The following NOD2 variants were observed in gnomAD, a reference collection of about 807,000 sequenced individuals.
The protein encoded by NOD2 is nucleotide-binding oligomerization domain-containing protein 2.
A neutral mutation model predicts 90.9 loss-of-function variants in NOD2; 86 were observed. The ratio of observed to expected loss-of-function variants is 0.95; its 90% CI spans 0.79 to 1.13. The LOEUF is 1.13. Among genes scored for constraint, NOD2 ranks in the 50% most tolerant of loss-of-function variants. The pLI is 0.00. For missense variants in NOD2, 1,238 were observed against 1,283.8 expected (o/e 0.96, Z 0.55); for synonymous variants, 581 against 554.6 (o/e 1.05, Z -0.67).
At chr16:50,704,829 T>C (rs1964112270) in intron 2 of NOD2, among the ~76,000 whole-genome samples, 1 of 152,212 alleles carries the variant, frequency 6.6e-6, no homozygotes. Flanking sequence ...CCAAAACCAT[T>C]TTAAAACTCT....
At chr16:50,700,698 C>T (rs1963902464) in intron 2 of NOD2, among the ~76,000 whole-genome samples, 1 of 152,200 alleles carries the variant, frequency 6.6e-6, no homozygotes, top group South Asian at 2.1e-4. Flanking sequence ...TTTATTATTT[C>T]TGTTATGAGT....
intron 1 of NOD2, among the ~76,000 whole-genome samples, chr16:50,694,694 C>G (rs2150772158): frequency 1.3e-5 from 2 of 152,316 alleles, no homozygotes; most frequent in African/African-American, 4.8e-5. Flanking sequence ...CCATGTCTGT[C>G]TCCCGGAGCC....
chr16:50,710,993 A>G lies in NOD2; in HGVS notation c.1001A>G (p.Glu334Gly). 6.2e-7 allele frequency: 1 copy of G among 1,614,148 alleles called. No homozygotes were observed. Among genetic ancestry groups the G allele is most frequent in the Non-Finnish European group, 8.5e-7 (1 of 1,180,034 alleles). Residue 334 changes from glutamate (E) to glycine (G), a missense_variant, in exon 4 of 12, where the codon GAA (glutamate) becomes GGA (glycine). By Grantham distance (98) the Glu-to-Gly change is moderately conservative (BLOSUM62 -2). Coordinates refer to ENST00000647318, the MANE Select transcript of NOD2 (RefSeq NM_001370466.1). ...EHCCWPDVGQ[E>G]DIFQLLLDHP... ...TGCTGTTGGCCTGATGTTGGTCAAGAAGACATCTTCCAGTTACTCCTTGAC... is the reference window on the plus strand; with the variant it reads ...TGCTGTTGGCCTGATGTTGGTCAAGGAGACATCTTCCAGTTACTCCTTGAC...
In NOD2 at chr16:50,731,882, G is replaced by A; in HGVS notation, c.*63G>A. 3.9e-6 allele frequency: 5 copies of A among 1,282,284 alleles called. No homozygotes were observed. Among genetic ancestry groups the A allele is most frequent in the Non-Finnish European group, 5.7e-6 (5 of 880,474 alleles). The allele number at this position is 1,282,284 out of a possible 1,614,324, so 79.4% of individuals were successfully genotyped here. A position where few individuals can be genotyped will look rare whatever the true frequency, so the allele number is the denominator to read the frequency against. The stretch of plus-strand genomic sequence containing the variant: ...GCAGGCTGTGAGTTTGGGCCCCAGA[G>A]GCTGGGTGACATGTGTTGGCAGCCT... On this transcript the variant is annotated 3_prime_UTR_variant, in exon 12 of 12. Coordinates refer to ENST00000647318, the MANE Select transcript of NOD2 (RefSeq NM_001370466.1).
At chr16:50,701,878 TA>T (rs142961158) in intron 2 of NOD2, among the ~76,000 whole-genome samples, 2,683 of 152,268 alleles carry the variant, frequency 0.018, 67 homozygotes, top group African/African-American at 0.058. Flanking sequence ...AAGCAGGACA[TA>T]GGGGGAAATT....
intron 5 of NOD2, 96 bp downstream of exon 5, chr16:50,716,766 G>C (rs1167662829): frequency 9.4e-6 from 14 of 1,484,196 alleles, no homozygotes; most frequent in Non-Finnish European, 1.2e-5. Flanking sequence ...GGCTGGGGCA[G>C]GGGCTGTTTG....
At chr16:50,701,857 G>A (rs555267829) in intron 2 of NOD2, among the ~76,000 whole-genome samples, 62 of 152,248 alleles carry the variant, frequency 4.1e-4, no homozygotes, top group African/African-American at 1.4e-3. Context: ...AAAATCTATT[G>A]GATGCAGCTA....
rs1455956071 is a variant in NOD2, at chr16:50,710,864, C to T, written c.872C>T (p.Ala291Val). The part of the protein sequence containing the change: ...LLQRLHLLWA[A>V]GQDFQEFLFV... ...CAGCGGCTGCACTTGCTGTGGGCTG[C>T]AGGGCAAGACTTCCAGGAATTTCTC... Residue 291 changes from alanine (A) to valine (V), a missense_variant, in exon 4 of 12, where the codon GCA (alanine) becomes GTA (valine). Around this residue, in one of 3 missense-constraint regions of NOD2, gnomAD observed 567 missense variants for 577.3 expected, o/e 0.98. Coordinates refer to ENST00000647318, the MANE Select transcript of NOD2 (RefSeq NM_001370466.1). 1.2e-6 allele frequency: 2 copies of T among 1,613,978 alleles called. No individual in the cohort carries two copies. Among genetic ancestry groups the T allele is most frequent in the Non-Finnish European group, 1.7e-6 (2 of 1,180,040 alleles).
Position 50,732,278 on chromosome 16 carries a change from T to C in NOD2, c.*459T>C. The C allele has an allele frequency of 4.4e-6, 1 of 229,272 alleles. No individual in the cohort carries two copies. Among genetic ancestry groups the C allele is most frequent in the South Asian group, 6.4e-5 (1 of 15,546 alleles). 14.2% of individuals were successfully genotyped at this position (229,272 alleles called of 1,614,324 possible). On this transcript the variant is annotated 3_prime_UTR_variant, in exon 12 of 12. Coordinates refer to ENST00000647318, the MANE Select transcript of NOD2 (RefSeq NM_001370466.1). ...AATTCAGGAAGCAGCTTTCCCCATG[T>C]CTCGACTCATCCATCCAGGCCATTC... is the stretch of plus-strand genomic sequence containing the variant.
chr16:50,718,417 A>T (rs1482504194), intron 6 of NOD2, among the ~76,000 whole-genome samples: 1 of 152,248 alleles, frequency 6.6e-6, no homozygotes, highest in Non-Finnish European at 1.5e-5. Context: ...ATGGAGCTGG[A>T]TGGCACGTGA....
intron 6 of NOD2, 188 bp from the exon 7 acceptor site, chr16:50,719,737 T>C (rs1369435405): frequency 1.4e-6 from 1 of 711,106 alleles, no homozygotes; most frequent in Non-Finnish European, 2.6e-6. Context: ...TTCCCTTTGC[T>C]GGGGGAAAAT....
intron 6 of NOD2, among the ~76,000 whole-genome samples, chr16:50,717,879 A>G (rs1432455197): frequency 1.3e-5 from 2 of 152,248 alleles, no homozygotes; most frequent in East Asian, 1.9e-4. Flanking sequence ...GTCCTCCGGT[A>G]TGTGCAGGAG....
In NOD2 at chr16:50,716,592, G is replaced by T. The variant is rs768930237; in HGVS notation, c.2387G>T (p.Arg796Leu). Reference protein sequence around the residue: ...CLGVCKALYLRDNNISDRGIC... With the variant: ...CLGVCKALYLLDNNISDRGIC... ...TATTTATTTTGTCTCTTTAGTTTGC[G>T]CGATAACAATATCTCAGACCGAGGC... The change falls in exon 5 of 12, where the codon CGC (arginine) becomes CTC (leucine). Residue 796 changes from arginine to leucine, a missense_variant. Coordinates refer to ENST00000647318, the MANE Select transcript of NOD2 (RefSeq NM_001370466.1). 3.7e-6 allele frequency: 6 copies of T among 1,613,852 alleles called. No individual in the cohort carries two copies. Among genetic ancestry groups the T allele is most frequent in the Non-Finnish European group, 5.1e-6 (6 of 1,179,842 alleles).
chr16:50,713,018 T>C (rs1232725391), intron 4 of NOD2: 1 of 157,206 alleles, frequency 6.4e-6, no homozygotes, highest in African/African-American at 2.4e-5. Flanking sequence ...CTACCCGTAT[T>C]GCTTAGAGCC....
intron 9 of NOD2, among the ~76,000 whole-genome samples, chr16:50,723,827 G>A (rs1382119101): frequency 1.3e-5 from 2 of 152,158 alleles, no homozygotes; most frequent in East Asian, 1.9e-4. Context: ...ATATTTGTAA[G>A]TGCTCCATAA....
chr16:50,730,161 G>A (rs562077403), intron 11 of NOD2, among the ~76,000 whole-genome samples: 1 of 152,338 alleles, frequency 6.6e-6, no homozygotes, highest in African/African-American at 2.4e-5. Flanking sequence ...AGATAGTGTA[G>A]GAATGGGGAT....
chr16:50,710,407 C>A, intron 3 of NOD2, 151 bp from the exon 4 acceptor site: 2 of 997,924 alleles, frequency 2.0e-6, no homozygotes, highest in Non-Finnish European at 1.6e-6. Context: ...CCTCAAAGTG[C>A]ACAGCTTGTG....
chr16:50,704,532 C>CTTTTTTTTTTTTT (rs71715899), intron 2 of NOD2, among the ~76,000 whole-genome samples: 1 of 145,574 alleles, frequency 6.9e-6, no homozygotes, highest in Non-Finnish European at 1.5e-5. Flanking sequence ...ATTCCAAAAC[C>CTTTTTTTTTTTTT]TTTTTTTTTT....
chr16:50,697,185 G>T (rs2076752), intron 1 of NOD2: 3 of 1,430,778 alleles, frequency 2.1e-6, no homozygotes, highest in African/African-American at 1.4e-5. Context: ...GGCTTTTGGC[G>T]TTCTGCACAA....
Sources: allele counts gnomAD v4.1 joint callset (sites outside exome capture counted in the v4.1 genomes callset), GRCh38; gene constraint gnomAD v4.1.1; regional missense constraint gnomAD v4.1.1; transcripts MANE v1.5; gene names NCBI Gene and HGNC (gene_info 2026-07-23, HGNC 2026-07-21).